The following PSD3 variants were observed in gnomAD, a reference collection of about 807,000 sequenced individuals.
PSD3 encodes PH and SEC7 domain-containing protein 3.
PSD3 carries 49 observed loss-of-function variants against 105.5 expected under a neutral mutation model. The ratio of observed to expected loss-of-function variants is 0.46; its 90% confidence interval spans 0.37 to 0.59. PSD3 has a LOEUF of 0.59. PSD3 is among the 20% of genes least tolerant of loss of function. The pLI is 0.00. For synonymous variants in PSD3, 557 were observed against 457.8 expected (o/e 1.22, Z -2.77); for missense variants, 1,561 against 1,263.8 (o/e 1.24, Z -3.57).
At chr8:18,934,933 T>C (rs900693982) in intron 2 of PSD3, among the ~76,000 whole-genome samples, 2 of 152,256 alleles carry the variant, frequency 1.3e-5, no homozygotes, top group East Asian at 3.9e-4. Flanking sequence ...TACCTCCTTC[T>C]AGGAAAATGC....
chr8:18,699,482 A>C (rs1801449378), intron 9 of PSD3, among the ~76,000 whole-genome samples: 1 of 152,192 alleles, frequency 6.6e-6, no homozygotes, highest in Non-Finnish European at 1.5e-5. Flanking sequence ...TTCTTTCTTG[A>C]GCTTATTTTC....
intron 8 of PSD3, among the ~76,000 whole-genome samples, chr8:18,784,395 T>G (rs1808927208): frequency 6.6e-6 from 1 of 152,214 alleles, no homozygotes; most frequent in South Asian, 2.1e-4. Flanking sequence ...TATGTGGGGG[T>G]TTCTCCACAT....
chr8:18,712,942 A>C (rs1802344550), intron 9 of PSD3, among the ~76,000 whole-genome samples: 1 of 152,196 alleles, frequency 6.6e-6, no homozygotes, highest in African/African-American at 2.4e-5. Context: ...CACCATGATG[A>C]AGTTGGCTTC....
At chr8:18,647,791 C>A (rs748329441) in intron 10 of PSD3, among the ~76,000 whole-genome samples, 10 of 152,016 alleles carry the variant, frequency 6.6e-5, no homozygotes, top group Non-Finnish European at 1.2e-4. Flanking sequence ...AATGGCATTA[C>A]CCCCTTTAGT....
At chr8:18,571,594 C>A (rs916962802) in intron 14 of PSD3, among the ~76,000 whole-genome samples, 1 of 152,168 alleles carries the variant, frequency 6.6e-6, no homozygotes. Context: ...GAGGATCTGG[C>A]CTTCATCTGC....
intron 1 of PSD3, among the ~76,000 whole-genome samples, chr8:19,077,695 A>G (rs914155848): frequency 6.6e-6 from 1 of 152,226 alleles, no homozygotes; most frequent in Non-Finnish European, 1.5e-5. Flanking sequence ...AGATTTTTAA[A>G]AACAACATCC....
chr8:18,856,786 C>T (rs1816044639), intron 4 of PSD3, among the ~76,000 whole-genome samples: 4 of 152,116 alleles, frequency 2.6e-5, no homozygotes, highest in Admixed American at 2.6e-4. Flanking sequence ...TCGATTTTAC[C>T]ACAGTCCATT....
chr8:18,553,077 A>T (rs1800873314), intron 15 of PSD3, among the ~76,000 whole-genome samples: 1 of 152,218 alleles, frequency 6.6e-6, no homozygotes, highest in African/African-American at 2.4e-5. Context: ...TACTCAAAGC[A>T]ACCTGGGATT....
At chr8:19,040,787 G>A (rs1828096274) in intron 1 of PSD3, among the ~76,000 whole-genome samples, 1 of 152,160 alleles carries the variant, frequency 6.6e-6, no homozygotes, top group Admixed American at 6.5e-5. Context: ...TTAGAAAAGG[G>A]AAGAAATCAG....
intron 11 of PSD3, among the ~76,000 whole-genome samples, chr8:18,608,078 G>C (rs559071550): frequency 3.6e-4 from 55 of 152,244 alleles, no homozygotes; most frequent in African/African-American, 1.3e-3. Context: ...CATATCACCA[G>C]GCATGCTGAT....
intron 2 of PSD3, among the ~76,000 whole-genome samples, chr8:18,904,397 T>A (rs1447574851): frequency 1.3e-5 from 2 of 152,164 alleles, no homozygotes; most frequent in Non-Finnish European, 2.9e-5. Flanking sequence ...AAGAAAGCCA[T>A]GAAGATGGGG....
chr8:18,760,001 T>C (rs1167396794), intron 9 of PSD3, among the ~76,000 whole-genome samples: 1 of 124,494 alleles, frequency 8.0e-6, no homozygotes, highest in Non-Finnish European at 1.6e-5. Context: ...GCTTTTCTGT[T>C]ACAAACAAGA....
intron 9 of PSD3, among the ~76,000 whole-genome samples, chr8:18,711,784 C>T (rs74755670): frequency 6.6e-6 from 1 of 152,240 alleles, no homozygotes; most frequent in East Asian, 1.9e-4. Flanking sequence ...GCAGACCTGA[C>T]AGGTATCTAC....
intron 12 of PSD3, 51 bp from the exon 13 acceptor site, chr8:18,575,336 A>T (rs1325883853): frequency 1.4e-6 from 2 of 1,464,502 alleles, no homozygotes; most frequent in East Asian, 4.9e-5. Context: ...TCAGATTTCA[A>T]CTTAATTTTT....
intron 10 of PSD3, among the ~76,000 whole-genome samples, chr8:18,636,380 A>C (rs1011020916): frequency 6.6e-6 from 1 of 152,196 alleles, no homozygotes; most frequent in Non-Finnish European, 1.5e-5. Flanking sequence ...AATGTGTTTT[A>C]AGCTGTTATT....
intron 15 of PSD3, among the ~76,000 whole-genome samples, chr8:18,536,438 C>T (rs527942515): frequency 6.6e-6 from 1 of 152,264 alleles, no homozygotes; most frequent in Non-Finnish European, 1.5e-5. Flanking sequence ...AAAGGCTTGC[C>T]TTGAGGGACC....
chr8:18,871,606 G>T lies in PSD3; in HGVS notation c.1238+20C>A. The T allele has an allele frequency of 6.4e-7, 1 of 1,571,366 alleles. No individual in the cohort carries two copies. The highest frequency in any genetic ancestry group is 1.2e-5 in the South Asian group (1 of 82,542). On this transcript the variant is annotated intron_variant, in intron 3 of 15. Coordinates refer to ENST00000327040, the MANE Select transcript of PSD3 (RefSeq NM_015310.4). ...TATGTACCAGGCATCTGAGACAGCAGGGCTACTATGGGAGCTCACCTTTCC... is the reference window on the plus strand; with the variant it reads ...TATGTACCAGGCATCTGAGACAGCATGGCTACTATGGGAGCTCACCTTTCC...
At chr8:18,834,514 C>A (rs1040700308) in intron 4 of PSD3, among the ~76,000 whole-genome samples, 4 of 152,348 alleles carry the variant, frequency 2.6e-5, no homozygotes, top group African/African-American at 9.6e-5. Context: ...AGAGCCTCAG[C>A]TCTCTATGCT....
At chr8:18,637,815 GAAGA>G (rs1208791284) in intron 10 of PSD3, among the ~76,000 whole-genome samples, 1 of 152,020 alleles carries the variant, frequency 6.6e-6, no homozygotes, top group Non-Finnish European at 1.5e-5. Context: ...AATCAATCTG[GAAGA>G]AAGATTTCTG....
Sources: allele counts gnomAD v4.1 joint callset (sites outside exome capture counted in the v4.1 genomes callset), GRCh38; gene constraint gnomAD v4.1.1; transcripts MANE v1.5; gene names NCBI Gene and HGNC (gene_info 2026-07-23, HGNC 2026-07-21).